Variants in PPT1 observed in about 807,000 individuals in gnomAD.
PPT1 encodes the protein palmitoyl-protein thioesterase 1, also known as ceroid-palmitoyl-palmitoyl-protein thioesterase 1.
PPT1 carries 24 observed loss-of-function variants against 44.0 expected under a neutral mutation model. That is an observed-to-expected ratio of 0.54 (90% confidence interval 0.39 to 0.77). The LOEUF (loss-of-function observed/expected upper bound fraction) is 0.77. PPT1 is among the 30% of genes least tolerant of loss of function. PPT1 has a pLI of 0.00. For missense variants in PPT1, 341 were observed against 378.8 expected (o/e 0.90, Z 0.83); for synonymous variants, 148 against 140.2 (o/e 1.06, Z -0.39).
intron 8 of PPT1, among the ~76,000 whole-genome samples, chr1:40,074,563 G>C (rs1191632620): frequency 6.6e-6 from 1 of 151,730 alleles, no homozygotes; most frequent in Non-Finnish European, 1.5e-5. Flanking sequence ...CACTTCTCTG[G>C]CTCAAGCGAT....
At chr1:40,079,790 T>A (rs866111714) in intron 6 of PPT1, among the ~76,000 whole-genome samples, 1 of 152,200 alleles carries the variant, frequency 6.6e-6, no homozygotes, top group Non-Finnish European at 1.5e-5. Flanking sequence ...TCCATAGGTG[T>A]CCATCACATA....
intron 6 of PPT1, among the ~76,000 whole-genome samples, chr1:40,079,978 A>G (rs1320999326): frequency 6.6e-6 from 1 of 152,226 alleles, no homozygotes; most frequent in African/African-American, 2.4e-5. Flanking sequence ...TGAGCCATCT[A>G]GTTTACCAGA....
At chr1:40,082,092 GGGCAC>G (rs1648973369) in intron 5 of PPT1, 1 of 152,246 alleles carries the variant, frequency 6.6e-6, no homozygotes, top group African/African-American at 2.4e-5. Context: ...TCCTCAAAAT[GGGCAC>G]GGTTACCCCA....
intron 4 of PPT1, among the ~76,000 whole-genome samples, chr1:40,089,824 A>G (rs908790639): frequency 1.3e-5 from 2 of 152,088 alleles, no homozygotes; most frequent in Non-Finnish European, 2.9e-5. Context: ...TATCTCAAAT[A>G]GTACCCACCC....
chr1:40,072,331 C>T (rs1232255574), downstream of PPT1: 2 of 353,452 alleles, frequency 5.7e-6, no homozygotes, highest in Non-Finnish European at 1.0e-5. Context: ...AGGTGCCTGT[C>T]ACCTGTCTTC....
Position 40,097,227 on chromosome 1 carries a change from G to C in PPT1, c.12C>G (p.Pro4=). 1 of 1,613,926 alleles carries C rather than the reference G, an allele frequency of 6.2e-7. No homozygotes were observed. Among genetic ancestry groups the C allele is most frequent in the South Asian group, 1.1e-5 (1 of 91,070 alleles). ...CCACAGCCAAGAGCCACAGGCAGCC[G>C]GGCGACGCCATCTTCGCTGTGTCAC... MAS[P]GCLWLLAVAL... Residue 4 remains proline, a synonymous_variant, in exon 1 of 9, where the codon CCC becomes CCG. Coordinates refer to ENST00000642050, the MANE Select transcript of PPT1 (RefSeq NM_000310.4).
At chr1:40,075,447 A>G (rs1380713000) in intron 8 of PPT1, among the ~76,000 whole-genome samples, 1 of 151,444 alleles carries the variant, frequency 6.6e-6, no homozygotes, top group Non-Finnish European at 1.5e-5. Flanking sequence ...TTTTCACAGT[A>G]AGGAAGTTCT....
intron 1 of PPT1, chr1:40,093,813 G>A: frequency 2.1e-6 from 1 of 482,544 alleles, no homozygotes; most frequent in South Asian, 3.7e-5. Flanking sequence ...GAAACTGAAA[G>A]GTGGAGGTTT....
chr1:40,095,648 C>G (rs1314089321), intron 1 of PPT1, among the ~76,000 whole-genome samples: 1 of 152,176 alleles, frequency 6.6e-6, no homozygotes, highest in Admixed American at 6.5e-5. Flanking sequence ...TTCTTTCTCT[C>G]TTATTCCAAG....
intron 1 of PPT1, chr1:40,093,977 GAGGC>G (rs1212015044): frequency 1.4e-6 from 1 of 716,138 alleles, no homozygotes; most frequent in South Asian, 1.5e-5. Context: ...AGGATTGCTT[GAGGC>G]CAAGAGTTCG....
chr1:40,084,320 T>G (rs1649140369), intron 5 of PPT1, among the ~76,000 whole-genome samples: 1 of 152,188 alleles, frequency 6.6e-6, no homozygotes, highest in South Asian at 2.1e-4. Flanking sequence ...TGAGATGGAA[T>G]CTACTCCTGG....
At chr1:40,088,427 G>A (rs968570517) in intron 5 of PPT1, among the ~76,000 whole-genome samples, 7 of 152,194 alleles carry the variant, frequency 4.6e-5, no homozygotes, top group Non-Finnish European at 1.0e-4. Context: ...TTACAGGCGT[G>A]AGCCACCATG....
Position 40,092,408 on chromosome 1 carries a change from G to T in PPT1, c.224C>A (p.Thr75Asn), listed in dbSNP as rs546190311. ...TGTGAAGCGCCTTACCTCCATCAGG[G>T]TCTTCCCAATCTCTAAAGATAAGAC... ...IYVLSLEIGKTLMEDVENSFF... is the reference protein window; with the variant it reads ...IYVLSLEIGKNLMEDVENSFF... The change falls in exon 2 of 9, where the codon ACC (threonine) becomes AAC (asparagine). Residue 75 changes from threonine to asparagine, a missense_variant. Thr to Asn is a moderately conservative substitution (Grantham distance 65). Coordinates refer to ENST00000642050, the MANE Select transcript of PPT1 (RefSeq NM_000310.4). The T allele has an allele frequency of 6.2e-7, 1 of 1,608,582 alleles. No individual in the cohort carries two copies. The highest frequency in any genetic ancestry group is 2.2e-5 in the East Asian group (1 of 44,850).
In PPT1 at chr1:40,093,735, A is replaced by T. The variant is rs557226310; in HGVS notation, c.125-1228T>A. Among the ~76,000 whole-genome samples, 9 of 144,716 alleles carry T rather than the reference A, an allele frequency of 6.2e-5. No individual in the cohort carries two copies. The South Asian group carries it at 1.4e-3, about 23-fold the overall frequency. 94.9% of individuals were successfully genotyped at this position (144,716 alleles called of 152,430 possible). A position where few individuals can be genotyped will look rare whatever the true frequency, so the allele number is the denominator to read the frequency against. On this transcript the variant is annotated intron_variant, in intron 1 of 8. Transcript: ENST00000642050. ...CCCCATCTCTACTAAATATACAAAA[A>T]TTAGCCGGGTGTGGTGGCACATGTC...
Position 40,073,708 on chromosome 1 carries a change from G to A in PPT1, c.*353C>T, listed in dbSNP as rs1016587844. ...GAAATATGGCAAGACTTGGAAAAAT[G>A]TTTGCCCTTAGAATCTATCTCACTA... On this transcript the variant is annotated 3_prime_UTR_variant, in exon 9 of 9. Coordinates refer to ENST00000642050, the MANE Select transcript of PPT1 (RefSeq NM_000310.4). The A allele has an allele frequency of 3.6e-5, 9 of 249,902 alleles. No homozygotes were observed. The East Asian group carries it at 9.0e-4, about 25-fold the overall frequency. The allele number at this position is 249,902 out of a possible 1,614,324, so 15.5% of individuals were successfully genotyped here.
In PPT1 at chr1:40,078,152, G is replaced by GT. The variant is rs113374191; in HGVS notation, c.726+407dup. ...CAAAAGTTGGTGGAAGGGACTGAAG[G>GT]TTTTTTCCCCAGCAGGCAGCTGTAT... On this transcript the variant is annotated intron_variant, in intron 7 of 8. Coordinates refer to ENST00000642050, the MANE Select transcript of PPT1 (RefSeq NM_000310.4). Among the ~76,000 whole-genome samples, 1,089 of 152,162 alleles carry GT rather than the reference G, an allele frequency of 7.2e-3. 10 individuals are homozygous for GT. Among genetic ancestry groups the GT allele is most frequent in the African/African-American group, 0.025 (1,050 of 41,512 alleles).
rs1648657739 is a variant in PPT1, at chr1:40,076,892, C to T, written c.748G>A (p.Gly250Ser). The stretch of plus-strand genomic sequence containing the variant: ...AAGGGAATGGTTTCCTTGGCTTGGC[C>T]ACTTCTGTAAAATCCAAACCACTGC... ...DSEWFGFYRS[G>S]QAKETIPLQE... The change falls in exon 8 of 9, where the codon GGC becomes AGC. Residue 250 changes from glycine to serine, a missense_variant. By Grantham distance (56) the Gly-to-Ser change is moderately conservative. Coordinates refer to ENST00000642050, the MANE Select transcript of PPT1 (RefSeq NM_000310.4). 2 of 1,614,012 alleles carry T rather than the reference C, an allele frequency of 1.2e-6. No individual in the cohort carries two copies. Among genetic ancestry groups the T allele is most frequent in the South Asian group, 1.1e-5 (1 of 91,082 alleles).
chr1:40,083,194 T>C (rs924660774), intron 5 of PPT1, among the ~76,000 whole-genome samples: 7 of 152,224 alleles, frequency 4.6e-5, no homozygotes, highest in Admixed American at 3.3e-4. Flanking sequence ...ATACCTACAA[T>C]GCCAGCACTT....
chr1:40,080,525 G>T (rs752791781), intron 5 of PPT1, 38 bp from the exon 6 acceptor site: 2 of 1,593,334 alleles, frequency 1.3e-6, no homozygotes, highest in East Asian at 4.5e-5. Context: ...TCAAGCTACA[G>T]GTCAGTCAGT....
Sources: allele counts gnomAD v4.1 joint callset (sites outside exome capture counted in the v4.1 genomes callset), GRCh38; gene constraint gnomAD v4.1.1; transcripts MANE v1.5; gene names NCBI Gene and HGNC (gene_info 2026-07-23, HGNC 2026-07-21).